Variants in ATP11C observed in about 807,000 individuals in gnomAD.
ATP11C encodes phospholipid-transporting ATPase IG.
ATP11C carries 36 observed loss-of-function variants against 97.4 expected under a neutral mutation model. The ratio of observed to expected loss-of-function variants is 0.37; its 90% CI spans 0.28 to 0.49. The LOEUF (loss-of-function observed/expected upper bound fraction) is 0.49, where lower values mean the gene tolerates loss of function less well. ATP11C is among the 20% of genes least tolerant of loss of function. ATP11C has a pLI of 0.98. For missense variants in ATP11C, 730 were observed against 824.6 expected (o/e 0.89, Z 1.40); for synonymous variants, 275 against 290.9 (o/e 0.95, Z 0.56).
chrX:139,859,831 G>T (rs2084153381), intron 1 of ATP11C, among the ~76,000 whole-genome samples: 2 of 82,534 alleles, frequency 2.4e-5, no homozygotes, highest in African/African-American at 2.1e-4. Context: ...GCTGGGCGCG[G>T]TGGCTCACGC....
At chrX:139,738,119 T>A in intron 27 of ATP11C, 50 bp from the exon 28 acceptor site, 1 of 1,011,117 alleles carries the variant, frequency 9.9e-7, no homozygotes, top group Non-Finnish European at 1.3e-6. Flanking sequence ...ATTCCTGTCA[T>A]ATGAAATGGA....
At chrX:139,795,820 G>A (rs1000445557) in intron 12 of ATP11C, among the ~76,000 whole-genome samples, 16 of 111,504 alleles carry the variant, frequency 1.4e-4, no homozygotes, top group Admixed American at 1.9e-4. Context: ...AAATAACTCT[G>A]CTTGTTAGGT....
intron 1 of ATP11C, among the ~76,000 whole-genome samples, chrX:139,889,897 T>C (rs1294080124): frequency 1.8e-5 from 2 of 112,365 alleles, no homozygotes; most frequent in African/African-American, 3.2e-5. Flanking sequence ...ATGGCCATAA[T>C]TGTCCTTACA....
intron 12 of ATP11C, among the ~76,000 whole-genome samples, chrX:139,793,941 C>G (rs1056214381): frequency 6.3e-5 from 7 of 111,544 alleles, no homozygotes; most frequent in African/African-American, 2.3e-4. Flanking sequence ...ACATCCCAGA[C>G]AGTAAAAGGT....
At chrX:139,739,053 T>C (rs1407606488) in intron 27 of ATP11C, among the ~76,000 whole-genome samples, 1 of 111,333 alleles carries the variant, frequency 9.0e-6, no homozygotes, top group African/African-American at 3.3e-5. Context: ...GGAATAAAAG[T>C]GAGAACAGGA....
At chrX:139,769,313 T>C (rs1214224303) in intron 19 of ATP11C, among the ~76,000 whole-genome samples, 3 of 77,200 alleles carry the variant, frequency 3.9e-5, no homozygotes, top group African/African-American at 1.6e-4. Flanking sequence ...TATATATATA[T>C]ATATATATAT....
chrX:139,747,822 G>A (rs2081725040), intron 24 of ATP11C, among the ~76,000 whole-genome samples: 1 of 111,905 alleles, frequency 8.9e-6, no homozygotes, highest in Admixed American at 9.5e-5. Flanking sequence ...ACTATCTACA[G>A]TCTGGTGACA....
At chrX:139,805,647 A>G (rs903294908) in intron 5 of ATP11C, among the ~76,000 whole-genome samples, 2 of 112,071 alleles carry the variant, frequency 1.8e-5, no homozygotes, top group African/African-American at 6.5e-5. Context: ...CAGCACCTTC[A>G]GGTAAAGGGA....
At chrX:139,758,928 A>G (rs1381288562) in intron 22 of ATP11C, among the ~76,000 whole-genome samples, 1 of 112,222 alleles carries the variant, frequency 8.9e-6, no homozygotes, top group Non-Finnish European at 1.9e-5. Flanking sequence ...GGATATTTCG[A>G]TCAATGTACT....
At chrX:139,794,148 T>A (rs1034537891) in intron 12 of ATP11C, among the ~76,000 whole-genome samples, 3 of 112,388 alleles carry the variant, frequency 2.7e-5, no homozygotes, top group African/African-American at 9.7e-5. Context: ...ATTTTCCAAC[T>A]GAGCTGAGCA....
chrX:139,846,807 G>C (rs1366202804), intron 1 of ATP11C, among the ~76,000 whole-genome samples: 1 of 110,459 alleles, frequency 9.1e-6, no homozygotes, highest in Non-Finnish European at 1.9e-5. Flanking sequence ...CTATAATGTA[G>C]AACTTTAATC....
intron 2 of ATP11C, among the ~76,000 whole-genome samples, chrX:139,820,882 A>T (rs1424676211): frequency 9.0e-6 from 1 of 111,330 alleles, no homozygotes; most frequent in East Asian, 2.9e-4. Context: ...TTTACATTTG[A>T]GAGTTCTGCG....
intron 1 of ATP11C, among the ~76,000 whole-genome samples, chrX:139,905,270 CA>C (rs1787379562): frequency 8.9e-6 from 1 of 112,058 alleles, no homozygotes; most frequent in Admixed American, 9.5e-5. Flanking sequence ...GATGACAGAT[CA>C]AATGTTTCCC....
rs182051356 is a variant in ATP11C, at chrX:139,769,565, G to A, written c.2217-1131C>T. 5.6e-5 allele frequency among the ~76,000 whole-genome samples: 6 copies of A among 108,058 alleles called. No homozygotes were observed. The Admixed American group carries it at 6.1e-4, about 11-fold the overall frequency. 93.8% of individuals were successfully genotyped at this position (108,058 alleles called of 115,157 possible). A position where few individuals can be genotyped will look rare whatever the true frequency, so the allele number is the denominator to read the frequency against. On this transcript the variant is annotated intron_variant, in intron 19 of 29. Transcript: ENST00000682941. ...GTCAGGAAAGACAAATGTGTAACAG[G>A]TGCCAAGTATTTAAGAAAAATATAG... is the stretch of plus-strand genomic sequence containing the variant.
At chrX:139,893,741 C>CAA (rs35487068) in intron 1 of ATP11C, among the ~76,000 whole-genome samples, 2 of 84,621 alleles carry the variant, frequency 2.4e-5, no homozygotes, top group East Asian at 3.7e-4. Flanking sequence ...TAACAAACTA[C>CAA]AAAAAAAAAA....
chrX:139,772,869 G>A (rs1276886129), intron 19 of ATP11C, among the ~76,000 whole-genome samples: 56 of 111,513 alleles, frequency 5.0e-4, no homozygotes, highest in Non-Finnish European at 2.1e-4. Context: ...ACTTTGGACT[G>A]TAGACTTTTG....
chrX:139,826,817 C>T lies in ATP11C; in HGVS notation c.34G>A (p.Gly12Arg), dbSNP rs1232126837. ...FRRSLNRFCAGEEKRVGTRTV... is the reference protein window; with the variant it reads ...FRRSLNRFCAREEKRVGTRTV... ...CGTGTGCCAACTCGTTTCTCTTCTC[C>T]AGCACACTGACCAAGAGAAAAGGGA... is the stretch of plus-strand genomic sequence containing the variant. The change falls in exon 2 of 30, where the codon GGA (glycine) becomes AGA (arginine). Residue 12 changes from glycine (G) to arginine (R), a missense_variant. Transcript: ENST00000682941. The T allele has an allele frequency of 5.8e-6, 7 of 1,202,232 alleles. No individual in the cohort carries two copies. In the Admixed American group the frequency reaches 1.1e-4, roughly 19 times the overall value.
chrX:139,837,637 GA>G (rs772483563), intron 1 of ATP11C, among the ~76,000 whole-genome samples: 1 of 112,312 alleles, frequency 8.9e-6, no homozygotes, highest in East Asian at 2.8e-4. Context: ...CTTAAGGGAA[GA>G]AAAATGGCAG....
intron 5 of ATP11C, among the ~76,000 whole-genome samples, chrX:139,814,096 T>C (rs1270427874): frequency 9.0e-6 from 1 of 111,242 alleles, no homozygotes; most frequent in Non-Finnish European, 1.9e-5. Flanking sequence ...AAAACTGCTC[T>C]AAAAATATAA....
Sources: gnomAD v4.1 joint callset for allele counts (sites outside exome capture counted in the v4.1 genomes callset) on GRCh38, gnomAD v4.1.1 for gene constraint, MANE v1.5 for transcripts, NCBI Gene and HGNC (gene_info 2026-07-23, HGNC 2026-07-21) for gene names.